Variants in GLT1D1 observed in about 807,000 individuals in gnomAD.
GLT1D1 encodes glycosyltransferase 1 domain containing 1.
GLT1D1 carries 21 observed loss-of-function variants against 28.7 expected under a neutral mutation model. The observed-to-expected ratio is 0.73, with a 90% confidence interval of 0.52 to 1.05. GLT1D1 has a LOEUF of 1.05. Among genes scored for constraint, GLT1D1 ranks in the 50% least tolerant of loss-of-function variants. The pLI is 0.00. For missense variants in GLT1D1, 343 were observed against 330.6 expected, an observed-to-expected ratio of 1.04 and a Z score of -0.29; for synonymous variants, 147 against 124.8, an observed-to-expected ratio of 1.18 and a Z score of -1.19.
intron 4 of GLT1D1, among the ~76,000 whole-genome samples, chr12:128,907,451 GC>G (rs1870999218): frequency 2.6e-5 from 4 of 151,962 alleles, no homozygotes; most frequent in Non-Finnish European, 5.9e-5. Flanking sequence ...GACTACAGGT[GC>G]CCGCCACCAC....
At chr12:128,934,570 C>T (rs898275586) in intron 4 of GLT1D1, among the ~76,000 whole-genome samples, 1 of 152,124 alleles carries the variant, frequency 6.6e-6, no homozygotes, top group African/African-American at 2.4e-5. Context: ...CTCCTTGAAG[C>T]CCTAGTTCGC....
chr12:128,913,955 C>T (rs1358394392), intron 4 of GLT1D1, among the ~76,000 whole-genome samples: 2 of 152,166 alleles, frequency 1.3e-5, no homozygotes, highest in African/African-American at 4.8e-5. Context: ...CAGTCGGAGC[C>T]CAGGGCTGGC....
intron 3 of GLT1D1, among the ~76,000 whole-genome samples, chr12:128,897,909 C>T (rs919296727): frequency 1.3e-5 from 2 of 152,046 alleles, no homozygotes; most frequent in African/African-American, 2.4e-5. Flanking sequence ...CCTTGTGATC[C>T]GCCCGCCTTG....
chr12:128,951,366 G>A (rs1033911130), intron 6 of GLT1D1, among the ~76,000 whole-genome samples: 2 of 152,188 alleles, frequency 1.3e-5, no homozygotes, highest in African/African-American at 2.4e-5. Context: ...TCACACCACT[G>A]TACTCCAGCC....
At chr12:128,881,581 TATATATATATATAA>T (rs1957061400) in intron 2 of GLT1D1, among the ~76,000 whole-genome samples, 4 of 110,422 alleles carry the variant, frequency 3.6e-5, no homozygotes, top group African/African-American at 1.4e-4. Context: ...TATATATATA[TATATATATATATAA>T]AATTTATAGA....
At chr12:128,865,725 G>C (rs566876884) in intron 1 of GLT1D1, among the ~76,000 whole-genome samples, 1 of 152,088 alleles carries the variant, frequency 6.6e-6, no homozygotes, top group Non-Finnish European at 1.5e-5. Context: ...GGGAGGCGGA[G>C]GCAGGAGAAT....
chr12:128,916,469 C>T (rs553153400), intron 4 of GLT1D1, among the ~76,000 whole-genome samples: 2 of 152,330 alleles, frequency 1.3e-5, no homozygotes, highest in South Asian at 4.1e-4. Flanking sequence ...TACACTTCCA[C>T]AGAAGCTGAC....
Position 128,964,379 on chromosome 12 carries a change from G to A in GLT1D1, c.639+6736G>A, listed in dbSNP as rs115846088. Among the ~76,000 whole-genome samples, 803 of 152,256 alleles carry A rather than the reference G, an allele frequency of 5.3e-3. 6 individuals carry two copies. The highest frequency in any genetic ancestry group is 0.018 in the African/African-American group (768 of 41,558). Reference sequence around the variant, plus strand: ...AGCCTGGGTGACAGAGTGAGACCCTGTCTCAAAACAACAAAGACACCAATC... The same window carrying A: ...AGCCTGGGTGACAGAGTGAGACCCTATCTCAAAACAACAAAGACACCAATC... On this transcript the variant is annotated intron_variant, in intron 7 of 7. Transcript: ENST00000281703.
At chr12:128,898,999 G>A (rs1869943454) in intron 3 of GLT1D1, among the ~76,000 whole-genome samples, 1 of 152,246 alleles carries the variant, frequency 6.6e-6, no homozygotes, top group African/African-American at 2.4e-5. Context: ...TGCGTGGAAG[G>A]AAGAGAAAAA....
chr12:128,934,725 C>T (rs906398355), intron 4 of GLT1D1, among the ~76,000 whole-genome samples: 38 of 152,170 alleles, frequency 2.5e-4, no homozygotes, highest in Admixed American at 2.1e-3. Flanking sequence ...GGCAGGCTGG[C>T]GAGCCAGCTT....
chr12:128,960,959 G>A (rs1483942508), intron 7 of GLT1D1, among the ~76,000 whole-genome samples: 1 of 152,152 alleles, frequency 6.6e-6, no homozygotes, highest in Non-Finnish European at 1.5e-5. Context: ...AATTGAGAAT[G>A]TAAAGAAACC....
intron 4 of GLT1D1, among the ~76,000 whole-genome samples, chr12:128,903,866 G>A (rs1472682755): frequency 6.6e-6 from 1 of 151,770 alleles, no homozygotes; most frequent in African/African-American, 2.4e-5. Context: ...GAGTAGCTGG[G>A]ATTACAGGCT....
At chr12:128,922,666 T>A (rs555026581) in intron 4 of GLT1D1, among the ~76,000 whole-genome samples, 125 of 152,274 alleles carry the variant, frequency 8.2e-4, no homozygotes, top group Non-Finnish European at 1.5e-3. Context: ...CTCATGCCTG[T>A]AATCCCAGCG....
In GLT1D1 at chr12:128,948,892, CAG is replaced by C. The variant is rs369424665; in HGVS notation, c.540+1437_540+1438del. 3.9e-3 allele frequency among the ~76,000 whole-genome samples: 592 copies of C among 152,224 alleles called. 6 individuals carry two copies. Among genetic ancestry groups the C allele is most frequent in the African/African-American group, 0.014 (563 of 41,542 alleles). ...AAAAAAGACCCCAAAGAAAAAAACACAGAGGGAGATGGCAGAAGCTGTGTGTC... is the reference window on the plus strand; with the variant it reads ...AAAAAAGACCCCAAAGAAAAAAACACAGGGAGATGGCAGAAGCTGTGTGTC... On this transcript the variant is annotated intron_variant, in intron 6 of 7. Transcript: ENST00000281703.
chr12:128,952,978 C>G (rs547348788), intron 6 of GLT1D1, among the ~76,000 whole-genome samples: 2 of 152,170 alleles, frequency 1.3e-5, no homozygotes, highest in East Asian at 3.9e-4. Flanking sequence ...GACTGGGTTT[C>G]ACCATGTTGG....
At chr12:128,869,375 G>T (rs977373047) in intron 1 of GLT1D1, among the ~76,000 whole-genome samples, 16 of 152,086 alleles carry the variant, frequency 1.1e-4, no homozygotes, top group Non-Finnish European at 2.2e-4. Flanking sequence ...TCGCCATGTT[G>T]CCCGGGCTGG....
At chr12:128,982,355 A>G (rs1880398482) in intron 7 of GLT1D1, among the ~76,000 whole-genome samples, 1 of 152,234 alleles carries the variant, frequency 6.6e-6, no homozygotes, top group Non-Finnish European at 1.5e-5. Context: ...GAGGTCGTTC[A>G]GAAGAAATTG....
chr12:128,907,487 A>G (rs905715876), intron 4 of GLT1D1, among the ~76,000 whole-genome samples: 1 of 151,980 alleles, frequency 6.6e-6, no homozygotes, highest in Non-Finnish European at 1.5e-5. Flanking sequence ...TTGTATATTT[A>G]GTAGAGACGA....
chr12:128,855,508 G>A (rs546650326), intron 1 of GLT1D1, among the ~76,000 whole-genome samples: 29 of 152,168 alleles, frequency 1.9e-4, no homozygotes, highest in Admixed American at 1.9e-3. Flanking sequence ...TGAGGCTGCA[G>A]CGAAGTGACA....
Sources: allele counts gnomAD v4.1 joint callset (sites outside exome capture counted in the v4.1 genomes callset), GRCh38; gene constraint gnomAD v4.1.1; transcripts MANE v1.5; gene names NCBI Gene and HGNC (gene_info 2026-07-23, HGNC 2026-07-21).